Variants in TCF12 observed in about 807,000 individuals in gnomAD.
TCF12 encodes the protein transcription factor 12, also known as DNA-binding protein HTF4.
A neutral mutation model predicts 86.0 loss-of-function variants in TCF12; 45 were observed. That is an observed-to-expected ratio of 0.52 (90% CI 0.41 to 0.67). TCF12 has a LOEUF of 0.67. Among genes scored for constraint, TCF12 ranks in the 30% least tolerant of loss-of-function variants. The pLI is 0.00. For missense variants in TCF12, 881 were observed against 859.9 expected (o/e 1.02, Z -0.31); for synonymous variants, 330 against 299.6 (o/e 1.10, Z -1.05).
intron 5 of TCF12, among the ~76,000 whole-genome samples, chr15:57,110,716 G>A (rs1174638961): frequency 6.6e-6 from 1 of 150,904 alleles, no homozygotes; most frequent in Non-Finnish European, 1.5e-5. Context: ...GCCCTAGATA[G>A]AATGGATACA....
At position 57,027,013 on chromosome 15, in the gene TCF12, AT is replaced by A. The variant is rs1203575002; in HGVS notation, c.149-36728del. Reference sequence around the variant, plus strand: ...TTTGTATTGGTTTTTATTTTGTTGTATTTTTTTTTCCCAAATGTTTTCGAAC... The same window carrying A: ...TTTGTATTGGTTTTTATTTTGTTGTATTTTTTTTCCCAAATGTTTTCGAAC... On this transcript the variant is annotated intron_variant, in intron 3 of 20. Coordinates refer to ENST00000333725, the MANE Select transcript of TCF12 (RefSeq NM_207037.2). Among the ~76,000 whole-genome samples the A allele has an allele frequency of 1.5e-4, 23 of 150,978 alleles. 1 individual carries two copies. In the East Asian group the frequency reaches 1.9e-3, roughly 13 times the overall value.
At chr15:56,920,060 A>C (rs2059711723) in intron 2 of TCF12, 72 bp downstream of exon 2, 16 of 1,570,616 alleles carry the variant, frequency 1.0e-5, no homozygotes, top group Non-Finnish European at 1.3e-5. Flanking sequence ...GTTTCTTTTA[A>C]ATAAAGGGTG....
chr15:57,072,970 T>C (rs1395751244), intron 4 of TCF12, among the ~76,000 whole-genome samples: 2 of 152,228 alleles, frequency 1.3e-5, no homozygotes, highest in Non-Finnish European at 1.5e-5. Flanking sequence ...TAAGCACCTT[T>C]AAATCTCTTG....
chr15:56,993,461 G>A (rs183217112), intron 3 of TCF12, among the ~76,000 whole-genome samples: 33 of 152,246 alleles, frequency 2.2e-4, no homozygotes, highest in Admixed American at 5.2e-4. Context: ...TGTGACCCAA[G>A]AAGAGTACCA....
intron 3 of TCF12, among the ~76,000 whole-genome samples, chr15:57,038,429 G>A (rs1350129459): frequency 8.8e-6 from 1 of 113,772 alleles, no homozygotes; most frequent in Non-Finnish European, 1.7e-5. Flanking sequence ...ATCTCAAAAA[G>A]AAAGAAGGTG....
At chr15:57,122,083 CCTT>C (rs1378287037) in intron 5 of TCF12, among the ~76,000 whole-genome samples, 8 of 145,276 alleles carry the variant, frequency 5.5e-5, no homozygotes, top group South Asian at 2.1e-4. Context: ...CTTCTTATCT[CCTT>C]GTTTCCTTGT....
At chr15:56,939,967 G>GGT (rs1444529366) in intron 3 of TCF12, among the ~76,000 whole-genome samples, 2 of 104,752 alleles carry the variant, frequency 1.9e-5, no homozygotes, top group African/African-American at 8.7e-5. Flanking sequence ...TTAATAGCGT[G>GGT]TTTTTTTTTT....
chr15:57,012,224 C>T (rs1434260425), intron 3 of TCF12, among the ~76,000 whole-genome samples: 1 of 152,026 alleles, frequency 6.6e-6, no homozygotes, highest in Non-Finnish European at 1.5e-5. Flanking sequence ...TAATATACTA[C>T]ATTAATATAT....
chr15:57,007,995 C>T (rs1596087886), intron 3 of TCF12, among the ~76,000 whole-genome samples: 1 of 150,450 alleles, frequency 6.6e-6, no homozygotes, highest in Non-Finnish European at 1.5e-5. Flanking sequence ...CTCTCTCTTT[C>T]TCTCACTGGA....
At chr15:57,122,043 A>G (rs2051270792) in intron 5 of TCF12, among the ~76,000 whole-genome samples, 2 of 147,468 alleles carry the variant, frequency 1.4e-5, no homozygotes, top group South Asian at 2.2e-4. Flanking sequence ...ACTATATGCT[A>G]TTCTATTTAA....
At chr15:57,127,692 C>G (rs1440637759) in intron 5 of TCF12, among the ~76,000 whole-genome samples, 1 of 152,142 alleles carries the variant, frequency 6.6e-6, no homozygotes, top group Non-Finnish European at 1.5e-5. Flanking sequence ...TAGTCACTCC[C>G]AGTGAAAGTG....
At chr15:57,015,402 G>C (rs1314792736) in intron 3 of TCF12, among the ~76,000 whole-genome samples, 2 of 152,176 alleles carry the variant, frequency 1.3e-5, no homozygotes, top group African/African-American at 4.8e-5. Flanking sequence ...CATAACCAAT[G>C]ATGGCCCCAG....
intron 3 of TCF12, among the ~76,000 whole-genome samples, chr15:56,927,272 T>G (rs1302129314): frequency 6.6e-6 from 1 of 152,176 alleles, no homozygotes; most frequent in Non-Finnish European, 1.5e-5. Context: ...AAGAAGACCG[T>G]CTTTTTTCTG....
Position 57,017,306 on chromosome 15 carries a change from A to G in TCF12, c.149-46444A>G, listed in dbSNP as rs540921287. ...GCCTAGCAATGCCATTTAAATGTAT[A>G]TGCCCTCTAGCTGACTTAAGGAGAG... On this transcript the variant is annotated intron_variant, in intron 3 of 20. Coordinates refer to ENST00000333725, the MANE Select transcript of TCF12 (RefSeq NM_207037.2). 3.3e-5 allele frequency among the ~76,000 whole-genome samples: 5 copies of G among 152,362 alleles called. No individual in the cohort carries two copies. The South Asian group carries it at 1.0e-3, about 32-fold the overall frequency.
intron 17 of TCF12, 44 bp from the exon 18 acceptor site, chr15:57,263,068 T>G: frequency 6.4e-7 from 1 of 1,566,728 alleles, no homozygotes; most frequent in East Asian, 2.3e-5. Flanking sequence ...AATTCATATA[T>G]GAGTCTCGTC....
Position 56,920,681 on chromosome 15 carries a change from G to T in TCF12, c.76-345G>T, listed in dbSNP as rs372199198. Among the ~76,000 whole-genome samples, 3 of 152,048 alleles carry T rather than the reference G, an allele frequency of 2.0e-5. No homozygotes were observed. In the East Asian group the frequency reaches 5.8e-4, roughly 29 times the overall value. On this transcript the variant is annotated intron_variant, in intron 2 of 20. Transcript: ENST00000333725. ...CTTACTGTATGTAGTAATTTAATGG[G>T]CCATAATTCTGACTGTGTATATTGA...
At chr15:56,918,109 G>C (rs1409582723), upstream of TCF12, 1 of 434,160 alleles carries the variant, frequency 2.3e-6, no homozygotes, top group Non-Finnish European at 4.6e-6. Flanking sequence ...GAGGAGGATG[G>C]GTCTCCCGTC....
intron 12 of TCF12, among the ~76,000 whole-genome samples, chr15:57,242,582 G>A (rs1293292664): frequency 6.6e-6 from 1 of 152,088 alleles, no homozygotes; most frequent in Non-Finnish European, 1.5e-5. Context: ...CAAGAGAATC[G>A]CTTGAACCTG....
chr15:57,283,277 C>T (rs528024499), intron 20 of TCF12, among the ~76,000 whole-genome samples: 42 of 149,102 alleles, frequency 2.8e-4, no homozygotes, highest in African/African-American at 9.7e-4. Flanking sequence ...TTTTTTTCCT[C>T]AAGACAGAGT....
Sources: gnomAD v4.1 joint callset for allele counts (sites outside exome capture counted in the v4.1 genomes callset) on GRCh38, gnomAD v4.1.1 for gene constraint, MANE v1.5 for transcripts, NCBI Gene and HGNC (gene_info 2026-07-23, HGNC 2026-07-21) for gene names.